BLTP1: variants seen among roughly 807,000 people sequenced by gnomAD.
The protein encoded by BLTP1 is fragile site-associated protein.
the BLTP1 span, chr4:122,224,410 A>G: frequency 1.5e-6 from 2 of 1,339,312 alleles, no homozygotes; most frequent in Admixed American, 2.6e-5. Context: ...TTTATTGTTC[A>G]TCTCTGCAGG....
At chr4:122,279,703 C>A in the BLTP1 span, 1 of 1,491,354 alleles carries the variant, frequency 6.7e-7, no homozygotes, top group South Asian at 1.3e-5. Flanking sequence ...TTCTTGCTCT[C>A]AATATTTTTT....
chr4:122,349,263 T>G, the BLTP1 span: 1 of 1,613,670 alleles, frequency 6.2e-7, no homozygotes, highest in Non-Finnish European at 8.5e-7. The surrounding 1 kb of genome is among the most constrained non-coding windows in gnomAD (Gnocchi z 4.5). Context: ...AATTAGATTC[T>G]AAAGGAGGAG....
the BLTP1 span, chr4:122,311,000 T>C: frequency 3.6e-6 from 2 of 557,212 alleles, no homozygotes; most frequent in East Asian, 2.9e-4. Context: ...CACTAAAACA[T>C]ATCTTTTGTT....
the BLTP1 span, chr4:122,187,306 G>A: frequency 1.4e-6 from 2 of 1,453,790 alleles, no homozygotes; most frequent in Non-Finnish European, 9.1e-7. Context: ...GTTTACTGAA[G>A]TAGTCACTAG....
the BLTP1 span, among the ~76,000 whole-genome samples, chr4:122,232,563 C>T: frequency 3.3e-5 from 5 of 151,828 alleles, no homozygotes; most frequent in East Asian, 7.7e-4. Flanking sequence ...GCCAAGATTG[C>T]GCCACTGCAC....
the BLTP1 span, chr4:122,328,475 A>G: frequency 2.4e-6 from 2 of 836,670 alleles, no homozygotes; most frequent in South Asian, 3.0e-5. Context: ...CGCTTGAGTG[A>G]GACTAACAGA....
the BLTP1 span, among the ~76,000 whole-genome samples, chr4:122,278,434 A>G: frequency 6.6e-6 from 1 of 152,236 alleles, no homozygotes; most frequent in South Asian, 2.1e-4. Context: ...AACTCTTAAC[A>G]GAATTGCTCT....
chr4:122,271,308 GC>G, the BLTP1 span: 2 of 1,613,896 alleles, frequency 1.2e-6, no homozygotes, highest in Non-Finnish European at 1.7e-6. Flanking sequence ...ATTAAACTTA[GC>G]AGATATACAG....
At chr4:122,330,532 TG>T in the BLTP1 span, among the ~76,000 whole-genome samples, 1 of 151,934 alleles carries the variant, frequency 6.6e-6, no homozygotes, top group East Asian at 1.9e-4. Context: ...TGGAGAAATG[TG>T]TACTTAAGTT....
At chr4:122,319,296 A>C in the BLTP1 span, among the ~76,000 whole-genome samples, 10 of 151,764 alleles carry the variant, frequency 6.6e-5, no homozygotes, top group Non-Finnish European at 1.3e-4. Context: ...TAGTTTTCTA[A>C]GATAGAAGTT....
the BLTP1 span, chr4:122,287,685 C>T: frequency 3.8e-5 from 37 of 985,104 alleles, no homozygotes; most frequent in South Asian, 6.6e-4. Flanking sequence ...ATTATAACTG[C>T]GGGGGACATA....
At chr4:122,286,767 T>C in the BLTP1 span, 1 of 1,612,794 alleles carries the variant, frequency 6.2e-7, no homozygotes, top group Non-Finnish European at 8.5e-7. Flanking sequence ...AGGGAAATTA[T>C]CTGCGTTGTG....
At chr4:122,349,542 A>G in the BLTP1 span, 1 of 1,612,780 alleles carries the variant, frequency 6.2e-7, no homozygotes, top group Non-Finnish European at 8.5e-7. The surrounding 1 kb of genome is among the most constrained non-coding windows in gnomAD (Gnocchi z 4.5). Context: ...CATGGGCTCA[A>G]GTATCCTCAT....
chr4:122,164,631 T>G, the BLTP1 span, among the ~76,000 whole-genome samples: 9,763 of 152,140 alleles, frequency 0.064, 881 homozygotes, highest in African/African-American at 0.2. Context: ...TTTTTTGGGG[T>G]GTGGGGAAAG....
the BLTP1 span, among the ~76,000 whole-genome samples, chr4:122,168,614 G>T: frequency 4.0e-5 from 6 of 151,854 alleles, no homozygotes; most frequent in Non-Finnish European, 8.8e-5. Context: ...GGAAGAAAGA[G>T]AAAGCTCATG....
At chr4:122,285,593 T>C in the BLTP1 span, among the ~76,000 whole-genome samples, 2 of 152,188 alleles carry the variant, frequency 1.3e-5, no homozygotes, top group South Asian at 4.1e-4. Context: ...ATATAGTGAA[T>C]GTGACATATA....
the BLTP1 span, among the ~76,000 whole-genome samples, chr4:122,355,317 T>C: frequency 1.3e-5 from 2 of 152,124 alleles, no homozygotes; most frequent in Non-Finnish European, 1.5e-5. Context: ...TCAGTACTTC[T>C]ACCTGATTTC....
At chr4:122,202,468 T>G in the BLTP1 span, 1 of 326,094 alleles carries the variant, frequency 3.1e-6, no homozygotes, top group African/African-American at 2.2e-5. Flanking sequence ...TAAAACAGTA[T>G]GTCCAGGGTC....
the BLTP1 span, chr4:122,249,123 C>T: frequency 9.5e-5 from 79 of 835,236 alleles, no homozygotes; most frequent in Non-Finnish European, 1.1e-4. Flanking sequence ...AATGTTTTTC[C>T]TAAGGCTTGG....
Sources: allele counts gnomAD v4.1 joint callset (sites outside exome capture counted in the v4.1 genomes callset), GRCh38; gene constraint gnomAD v4.1.1; non-coding constraint Gnocchi (gnomAD v3.1); transcripts MANE v1.5; gene names NCBI Gene and HGNC (gene_info 2026-07-23, HGNC 2026-07-21).